The following AGXT2 variants were observed in gnomAD, a reference collection of about 807,000 sequenced individuals.
The protein encoded by AGXT2 is alanine--glyoxylate aminotransferase 2, mitochondrial.
A neutral mutation model predicts 62.5 loss-of-function variants in AGXT2; 61 were observed. That is an observed-to-expected ratio of 0.98 (90% CI 0.79 to 1.21). AGXT2 has a LOEUF of 1.21. AGXT2 is among the 50% of genes most tolerant of loss of function. The pLI is 0.00. For missense variants in AGXT2, 666 were observed against 641.5 expected, an observed-to-expected ratio of 1.04 and a Z score of -0.41; for synonymous variants, 243 against 218.7, an observed-to-expected ratio of 1.11 and a Z score of -0.98.
intron 11 of AGXT2, 31 bp downstream of exon 11, chr5:35,012,923 G>C (rs912806383): frequency 6.5e-7 from 1 of 1,539,694 alleles, no homozygotes; most frequent in Non-Finnish European, 8.8e-7. Context: ...TTTGTGAAAT[G>C]AGTGAGGTTA....
intron 7 of AGXT2, among the ~76,000 whole-genome samples, chr5:35,032,205 A>G (rs140851283): frequency 1.6e-3 from 243 of 151,132 alleles, no homozygotes; most frequent in African/African-American, 5.6e-3. Flanking sequence ...GCCCGCCTCA[A>G]CCTCCCAAAG....
At chr5:35,006,233 A>G (rs1766414145) in intron 12 of AGXT2, among the ~76,000 whole-genome samples, 1 of 152,172 alleles carries the variant, frequency 6.6e-6, no homozygotes, top group African/African-American at 2.4e-5. Flanking sequence ...AAATATTCCT[A>G]TTCATACATA....
intron 10 of AGXT2, among the ~76,000 whole-genome samples, 199 bp downstream of exon 10, chr5:35,013,788 A>C (rs1295081371): frequency 1.4e-5 from 2 of 140,726 alleles, no homozygotes. Flanking sequence ...GTCTCAAAAA[A>C]AAAAAAAAAA....
chr5:35,013,292 A>T (rs1766712402), intron 10 of AGXT2, among the ~76,000 whole-genome samples: 1 of 152,204 alleles, frequency 6.6e-6, no homozygotes. Context: ...AGGTTAAATA[A>T]GGTCATCAGG....
At chr5:35,045,314 C>T (rs1226086911) in intron 1 of AGXT2, among the ~76,000 whole-genome samples, 51 of 152,194 alleles carry the variant, frequency 3.4e-4, no homozygotes, top group Non-Finnish European at 2.9e-5. Context: ...GGTGACCTCC[C>T]TATCACAGCC....
intron 9 of AGXT2, among the ~76,000 whole-genome samples, chr5:35,020,204 T>A (rs1034430399): frequency 4.6e-5 from 7 of 151,988 alleles, no homozygotes; most frequent in African/African-American, 9.7e-5. Context: ...AAAGAGGGAA[T>A]CCTCCCTAAC....
At position 35,014,025 on chromosome 5, in the gene AGXT2, C is replaced by G. The variant is rs771508619; in HGVS notation, c.1058G>C (p.Gly353Ala). 1 of 1,614,154 alleles carries G rather than the reference C, an allele frequency of 6.2e-7. No homozygotes were observed. The highest frequency in any genetic ancestry group is 8.5e-7 in the Non-Finnish European group (1 of 1,180,026). Residue 353 changes from glycine to alanine, a missense_variant, in exon 10 of 14, where the codon GGG becomes GCG. Gly to Ala is a moderately conservative substitution (Grantham distance 60). Transcript: ENST00000231420. ...PDIVTMAKGI[G>A]NGFPMAAVIT... is the part of the protein sequence containing the mutation. The stretch of plus-strand genomic sequence containing the variant: ...GACTGCTGCCATGGGAAAGCCATTC[C>G]CAATCCCTTTAGCCATGGTGACAAT...
rs1022916187 is a variant in AGXT2 at position 35,047,086 on chromosome 5, C to T, written c.88+719G>A. ...CACAGCACTTGTTGGCAATTGAGAG[C>T]GTGGTCTCACTTCCTAGAGGCATGA... is the stretch of plus-strand genomic sequence containing the variant. On this transcript the variant is annotated intron_variant, in intron 1 of 13. Coordinates refer to ENST00000231420, the MANE Select transcript of AGXT2 (RefSeq NM_031900.4). Among the ~76,000 whole-genome samples, 29 of 152,154 alleles carry T rather than the reference C, an allele frequency of 1.9e-4. 1 individual carries two copies. The highest frequency in any genetic ancestry group is 5.2e-4 in the Admixed American group (8 of 15,282).
chr5:35,031,412 T>G (rs1469810366), intron 7 of AGXT2, among the ~76,000 whole-genome samples: 1 of 152,248 alleles, frequency 6.6e-6, no homozygotes, highest in African/African-American at 2.4e-5. Context: ...GTGAATTTTT[T>G]TCCTTTCAGA....
chr5:35,027,335 C>T (rs1443775953), intron 7 of AGXT2, among the ~76,000 whole-genome samples: 2 of 152,130 alleles, frequency 1.3e-5, no homozygotes, highest in African/African-American at 4.8e-5. Context: ...TGGGGAAAAG[C>T]AGTAAAGTGT....
chr5:35,010,718 A>C (rs1244393189), intron 11 of AGXT2, among the ~76,000 whole-genome samples: 2 of 152,166 alleles, frequency 1.3e-5, no homozygotes, highest in African/African-American at 4.8e-5. Context: ...AGGAAAGAAT[A>C]AAGGTGTGTC....
At chr5:35,034,251 A>G (rs1767686117) in intron 5 of AGXT2, among the ~76,000 whole-genome samples, 1 of 152,090 alleles carries the variant, frequency 6.6e-6, no homozygotes, top group Non-Finnish European at 1.5e-5. Context: ...ATGTATCTTG[A>G]AAAAGGAGAC....
intron 13 of AGXT2, among the ~76,000 whole-genome samples, chr5:35,002,541 G>A (rs558986741): frequency 6.6e-6 from 1 of 152,226 alleles, no homozygotes; most frequent in African/African-American, 2.4e-5. Context: ...GTGAAGTGGA[G>A]CCTTTGGGAA....
At chr5:35,043,683 C>A (rs893914284) in intron 1 of AGXT2, among the ~76,000 whole-genome samples, 1 of 152,084 alleles carries the variant, frequency 6.6e-6, no homozygotes, top group African/African-American at 2.4e-5. Flanking sequence ...TAGGCACCAG[C>A]CACCATGCCC....
intron 13 of AGXT2, among the ~76,000 whole-genome samples, chr5:34,999,642 C>G (rs1021511315): frequency 2.0e-5 from 3 of 152,118 alleles, no homozygotes; most frequent in Admixed American, 6.5e-5. Context: ...TTGTCAGCGT[C>G]CTTTCTCAAT....
At chr5:35,043,894 A>G (rs1389147280) in intron 1 of AGXT2, among the ~76,000 whole-genome samples, 2 of 152,026 alleles carry the variant, frequency 1.3e-5, no homozygotes, top group Non-Finnish European at 2.9e-5. Flanking sequence ...GTTTCTCCAG[A>G]TTGCCCAGGC....
chr5:35,043,463 T>C (rs1352149169), intron 1 of AGXT2, among the ~76,000 whole-genome samples: 2 of 152,222 alleles, frequency 1.3e-5, no homozygotes, highest in Non-Finnish European at 2.9e-5. Context: ...GCTGCAATAA[T>C]TTTAAAAATC....
chr5:35,012,607 T>C, intron 11 of AGXT2: 1 of 320,086 alleles, frequency 3.1e-6, no homozygotes, highest in Non-Finnish European at 6.0e-6. Flanking sequence ...GAAGAAAAAA[T>C]ACACAAGAGA....
intron 12 of AGXT2, among the ~76,000 whole-genome samples, chr5:35,008,625 T>A (rs1162363495): frequency 1.3e-5 from 2 of 152,228 alleles, no homozygotes; most frequent in Non-Finnish European, 2.9e-5. Context: ...GCTGGGGACC[T>A]TAGTCTCATA....
Sources: allele counts gnomAD v4.1 joint callset (sites outside exome capture counted in the v4.1 genomes callset), GRCh38; gene constraint gnomAD v4.1.1; transcripts MANE v1.5; gene names NCBI Gene and HGNC (gene_info 2026-07-23, HGNC 2026-07-21).